PDXDC1: variants seen among roughly 807,000 people sequenced by gnomAD.
PDXDC1 encodes the protein pyridoxal-dependent decarboxylase domain-containing protein 1.
In PDXDC1, 42 loss-of-function variants were observed where a neutral mutation model predicts 100.1. The observed-to-expected ratio is 0.42, with a 90% confidence interval of 0.33 to 0.54. The LOEUF (loss-of-function observed/expected upper bound fraction) is 0.54, where lower values mean the gene tolerates loss of function less well. Among genes scored for constraint, PDXDC1 ranks in the 20% least tolerant of loss-of-function variants. The probability of loss-of-function intolerance (pLI) is 0.10; values close to 1 mark genes in which losing one functional copy is unlikely to be tolerated. For missense variants in PDXDC1, 636 were observed against 979.2 expected, an observed-to-expected ratio of 0.65 and a Z score of 4.68; for synonymous variants, 260 against 371.7, an observed-to-expected ratio of 0.70 and a Z score of 3.46.
the PDXDC1 span, among the ~76,000 whole-genome samples, chr16:15,148,678 G>C: frequency 5.9e-5 from 9 of 151,646 alleles, no homozygotes; most frequent in Non-Finnish European, 4.4e-5. Flanking sequence ...GTGACCCCTT[G>C]TCCATGTTTA....
At chr16:15,029,684 GCTTAGTAATAT>G (rs2042908571) in intron 15 of PDXDC1, 1 of 546,794 alleles carries the variant, frequency 1.8e-6, no homozygotes, top group African/African-American at 1.9e-5. Flanking sequence ...AGTGGGTGTC[GCTTAGTAATAT>G]ATTGTGGGTC....
downstream of PDXDC1, among the ~76,000 whole-genome samples, chr16:15,144,210 A>T (rs2048518552): frequency 6.6e-6 from 1 of 152,078 alleles, no homozygotes; most frequent in African/African-American, 2.4e-5. Context: ...AGGACAGGGG[A>T]CAGGCAGCAG....
At chr16:15,040,982 A>C (rs964302039), downstream of PDXDC1, 26 of 904,144 alleles carry the variant, frequency 2.9e-5, no homozygotes, top group African/African-American at 4.9e-5. Context: ...CCATCCTGAC[A>C]GCAGTGGGGT....
At chr16:15,032,668 A>AAAAAAAAAAAAAAAAAAAT in intron 17 of PDXDC1, 193 bp from the exon 18 acceptor site, 1 of 374,104 alleles carries the variant, frequency 2.7e-6, no homozygotes, top group Non-Finnish European at 4.6e-6. Flanking sequence ...AAAAAAAAAA[A>AAAAAAAAAAAAAAAAAAAT]AGGCTTTCCT....
chr16:15,028,062 C>T (rs370874250), intron 14 of PDXDC1, among the ~76,000 whole-genome samples: 17 of 152,406 alleles, frequency 1.1e-4, no homozygotes, highest in East Asian at 7.7e-4. Flanking sequence ...CTTACCATTT[C>T]GGTCGAACAA....
chr16:15,020,542 A>AGCCAG (rs1390799387), intron 12 of PDXDC1, among the ~76,000 whole-genome samples: 5 of 152,252 alleles, frequency 3.3e-5, no homozygotes, highest in African/African-American at 1.2e-4. Flanking sequence ...TACAAAAATT[A>AGCCAG]GCCAGGCATG....
intron 8 of PDXDC1, among the ~76,000 whole-genome samples, chr16:15,015,530 C>T (rs1436453723): frequency 2.6e-5 from 4 of 152,240 alleles, no homozygotes; most frequent in South Asian, 2.1e-4. Context: ...GCCTGGCCAA[C>T]GTAGTGAAAC....
At chr16:15,145,870 C>T in the PDXDC1 span, among the ~76,000 whole-genome samples, 1 of 152,362 alleles carries the variant, frequency 6.6e-6, no homozygotes, top group Non-Finnish European at 1.5e-5. Flanking sequence ...GTTTTCATTC[C>T]AGGGTGCTTG....
intron 16 of PDXDC1, among the ~76,000 whole-genome samples, chr16:15,111,173 C>T (rs181867561): frequency 2.7e-4 from 40 of 148,500 alleles, no homozygotes; most frequent in African/African-American, 7.3e-4. Context: ...ACAAGAATGA[C>T]GAGGCTGGCA....
At chr16:15,041,213 C>T, downstream of PDXDC1, 2 of 863,002 alleles carry the variant, frequency 2.3e-6, no homozygotes. Flanking sequence ...AGGAGCTCCT[C>T]GATGCAGAAA....
At chr16:15,002,907 T>C (rs879902572) in intron 4 of PDXDC1, among the ~76,000 whole-genome samples, 153 of 152,272 alleles carry the variant, frequency 1.0e-3, no homozygotes, top group Non-Finnish European at 1.0e-3. Context: ...TTGCAGGTTT[T>C]TTAAATTATG....
intron 16 of PDXDC1, among the ~76,000 whole-genome samples, chr16:15,092,168 G>A (rs186803008): frequency 1.3e-5 from 2 of 152,260 alleles, no homozygotes; most frequent in East Asian, 3.9e-4. Flanking sequence ...GACAGAGGAA[G>A]ACTCCAGCAC....
At chr16:15,012,788 G>A (rs2041428882) in intron 8 of PDXDC1, among the ~76,000 whole-genome samples, 1 of 152,154 alleles carries the variant, frequency 6.6e-6, no homozygotes, top group South Asian at 2.1e-4. Flanking sequence ...GGAGAGAGAG[G>A]TTGCAGTGAG....
chr16:15,065,260 C>A, intron 16 of PDXDC1: 1 of 1,613,708 alleles, frequency 6.2e-7, no homozygotes, highest in African/African-American at 1.3e-5. Context: ...AGGTGTCCAG[C>A]GGGTTTGTGC....
At chr16:15,095,868 G>GTGTC (rs2046339375) in intron 16 of PDXDC1, among the ~76,000 whole-genome samples, 1 of 147,468 alleles carries the variant, frequency 6.8e-6, no homozygotes, top group South Asian at 2.2e-4. Context: ...AAAGGTGTGT[G>GTGTC]TGTGTGTGTG....
At chr16:15,122,475 A>G (rs1171656248) in intron 16 of PDXDC1, among the ~76,000 whole-genome samples, 8 of 143,804 alleles carry the variant, frequency 5.6e-5, no homozygotes, top group African/African-American at 2.1e-4. Flanking sequence ...TCGGCCCCCT[A>G]AAGTGCTGGG....
intron 16 of PDXDC1, among the ~76,000 whole-genome samples, chr16:15,075,250 C>CAA (rs56913254): frequency 3.7e-4 from 25 of 68,032 alleles, no homozygotes; most frequent in African/African-American, 6.1e-4. Flanking sequence ...TGTGCCCCAC[C>CAA]AAAAAAAAAA....
At chr16:15,141,616 C>T (rs1158290015), downstream of PDXDC1, among the ~76,000 whole-genome samples, 2 of 152,204 alleles carry the variant, frequency 1.3e-5, no homozygotes, top group East Asian at 1.9e-4. Context: ...GCCACCGCTT[C>T]CCCCCTAACT....
intron 16 of PDXDC1, among the ~76,000 whole-genome samples, chr16:15,052,670 C>G (rs1367123782): frequency 6.6e-6 from 1 of 152,078 alleles, no homozygotes; most frequent in African/African-American, 2.4e-5. Context: ...CCCATCTCTA[C>G]TAAAAATACA....
Sources: allele counts gnomAD v4.1 joint callset (sites outside exome capture counted in the v4.1 genomes callset), GRCh38; gene constraint gnomAD v4.1.1; transcripts MANE v1.5; gene names NCBI Gene and HGNC (gene_info 2026-07-23, HGNC 2026-07-21).